Variants in ASIC2 observed in about 807,000 individuals in gnomAD.
ASIC2 encodes the protein acid sensing ion channel subunit 2.
Under a neutral mutation model 57.3 loss-of-function variants are expected in ASIC2, and 25 were observed. The observed-to-expected ratio is 0.44, with a 90% CI of 0.32 to 0.61. The LOEUF (loss-of-function observed/expected upper bound fraction) is 0.61, where lower values mean the gene tolerates loss of function less well. ASIC2 is among the 20% of genes least tolerant of loss of function. ASIC2 has a pLI of 0.06. For missense variants in ASIC2, 641 were observed against 738.1 expected (o/e 0.87, Z 1.52); for synonymous variants, 319 against 307.5 (o/e 1.04, Z -0.39).
At chr17:33,333,699 C>T (rs1907403993) in intron 1 of ASIC2, among the ~76,000 whole-genome samples, 1 of 151,032 alleles carries the variant, frequency 6.6e-6, no homozygotes, top group Non-Finnish European at 1.5e-5. Flanking sequence ...ATGTTAAGGA[C>T]AAAAAAAAGC....
intron 1 of ASIC2, among the ~76,000 whole-genome samples, chr17:34,050,333 A>G (rs1377246698): frequency 6.6e-6 from 1 of 152,194 alleles, no homozygotes; most frequent in African/African-American, 2.4e-5. Context: ...GGGCTACTGC[A>G]GTGGAAATGC....
intron 1 of ASIC2, among the ~76,000 whole-genome samples, chr17:33,845,540 C>T (rs1269942178): frequency 6.6e-6 from 1 of 152,122 alleles, no homozygotes; most frequent in Non-Finnish European, 1.5e-5. Flanking sequence ...AATTGTATGA[C>T]TTTAGGCTGT....
chr17:33,605,331 G>T (rs35815918), intron 1 of ASIC2, among the ~76,000 whole-genome samples: 10,497 of 152,274 alleles, frequency 0.069, 1,085 homozygotes, highest in African/African-American at 0.22. Context: ...AGTAGCTCCT[G>T]TGCAGGGTCT....
intron 1 of ASIC2, among the ~76,000 whole-genome samples, chr17:33,894,179 T>G (rs917308485): frequency 6.6e-6 from 1 of 152,216 alleles, no homozygotes; most frequent in Non-Finnish European, 1.5e-5. Flanking sequence ...AGAAGAGGAT[T>G]CAGCAACTTT....
chr17:33,808,393 C>G (rs1336521294), intron 1 of ASIC2, among the ~76,000 whole-genome samples: 1 of 152,178 alleles, frequency 6.6e-6, no homozygotes, highest in Admixed American at 6.5e-5. Flanking sequence ...TTTGTCTATT[C>G]TTTTGCCAAT....
intron 1 of ASIC2, among the ~76,000 whole-genome samples, chr17:33,790,799 C>T (rs1175308095): frequency 2.6e-5 from 4 of 152,138 alleles, no homozygotes; most frequent in African/African-American, 9.7e-5. Context: ...GACGATCTAA[C>T]AACAATAACA....
intron 1 of ASIC2, among the ~76,000 whole-genome samples, chr17:33,824,597 C>T (rs993799848): frequency 2.0e-5 from 3 of 152,136 alleles, no homozygotes; most frequent in African/African-American, 7.2e-5. Context: ...GTCTGTAGTT[C>T]CCCATTGGTA....
chr17:33,618,945 C>A (rs1278064110), intron 1 of ASIC2, among the ~76,000 whole-genome samples: 1 of 152,168 alleles, frequency 6.6e-6, no homozygotes, highest in Non-Finnish European at 1.5e-5. Flanking sequence ...CCTAATCATT[C>A]TTCAAATTCC....
intron 1 of ASIC2, among the ~76,000 whole-genome samples, chr17:33,856,536 AG>A (rs1913954736): frequency 1.3e-5 from 2 of 149,234 alleles, no homozygotes; most frequent in African/African-American, 4.9e-5. Flanking sequence ...TAGTAGTGGT[AG>A]TAGTGGCAGT....
At chr17:33,195,433 G>A (rs989319477) in intron 1 of ASIC2, among the ~76,000 whole-genome samples, 2 of 152,286 alleles carry the variant, frequency 1.3e-5, no homozygotes, top group South Asian at 2.1e-4. Context: ...GGGTGGAAAA[G>A]CATTTTGACA....
chr17:33,076,869 C>A (rs1390107345), intron 3 of ASIC2, among the ~76,000 whole-genome samples: 2 of 152,214 alleles, frequency 1.3e-5, no homozygotes, highest in Non-Finnish European at 2.9e-5. Flanking sequence ...TCTGCTCATA[C>A]AAACAGTGCT....
Position 33,122,062 on chromosome 17 carries a change from G to T in ASIC2, c.709-9995C>A, listed in dbSNP as rs116699583. The stretch of plus-strand genomic sequence containing the variant: ...TGGCTGCCACCAGATGTAGGAAGCA[G>T]AACCCAGGAGGAGTTCCCTGCTTTT... On this transcript the variant is annotated intron_variant, in intron 1 of 9. Transcript: ENST00000225823. Among the ~76,000 whole-genome samples, 794 of 152,334 alleles carry T rather than the reference G, an allele frequency of 5.2e-3. 7 individuals are homozygous for T. The highest frequency in any genetic ancestry group is 0.019 in the African/African-American group (770 of 41,562).
At chr17:34,054,267 A>G (rs898613037) in intron 1 of ASIC2, among the ~76,000 whole-genome samples, 1 of 152,224 alleles carries the variant, frequency 6.6e-6, no homozygotes, top group Non-Finnish European at 1.5e-5. Flanking sequence ...TTCCTCACTC[A>G]AGACATCTAT....
intron 1 of ASIC2, among the ~76,000 whole-genome samples, chr17:33,545,119 T>C (rs193258366): frequency 2.7e-4 from 41 of 152,328 alleles, no homozygotes; most frequent in African/African-American, 9.1e-4. Flanking sequence ...TTGATATTTG[T>C]TGCCTTAAAG....
chr17:33,189,364 AAATAGTTCATTAATCTGAAAGAAGGC>A (rs1231642554), intron 1 of ASIC2, among the ~76,000 whole-genome samples: 1 of 152,224 alleles, frequency 6.6e-6, no homozygotes, highest in Non-Finnish European at 1.5e-5. Flanking sequence ...GAATCATAAA[AAATAGTTCATTAATCTGAAAGAAGGC>A]AGGACAAGTA....
intron 1 of ASIC2, among the ~76,000 whole-genome samples, chr17:33,374,969 C>T (rs1404614646): frequency 2.0e-5 from 3 of 152,092 alleles, no homozygotes; most frequent in Non-Finnish European, 2.9e-5. Context: ...AGGTTGGGAC[C>T]GTCAGAGATT....
chr17:33,331,319 C>T (rs531159908), intron 1 of ASIC2, among the ~76,000 whole-genome samples: 22 of 152,232 alleles, frequency 1.4e-4, no homozygotes, highest in African/African-American at 2.9e-4. Flanking sequence ...CTAAAGTAGA[C>T]GCTATTACTA....
At chr17:33,082,677 C>A (rs955355422) in intron 3 of ASIC2, among the ~76,000 whole-genome samples, 1 of 150,646 alleles carries the variant, frequency 6.6e-6, no homozygotes, top group Non-Finnish European at 1.5e-5. Flanking sequence ...CCACCCTGGG[C>A]GACAGAGTGA....
chr17:33,750,510 C>G (rs1034368562), intron 1 of ASIC2, among the ~76,000 whole-genome samples: 1 of 151,998 alleles, frequency 6.6e-6, no homozygotes, highest in Non-Finnish European at 1.5e-5. Flanking sequence ...TGCCTAGGGC[C>G]CAGTGGTTAA....
Sources: allele counts gnomAD v4.1 joint callset (sites outside exome capture counted in the v4.1 genomes callset), GRCh38; gene constraint gnomAD v4.1.1; transcripts MANE v1.5; gene names NCBI Gene and HGNC (gene_info 2026-07-23, HGNC 2026-07-21).